CLVS1: variants seen among roughly 807,000 people sequenced by gnomAD.
CLVS1 encodes clavesin 1.
Under a neutral mutation model 33.1 loss-of-function variants are expected in CLVS1, and 10 were observed. That is an observed-to-expected ratio of 0.30 (90% CI 0.19 to 0.51). The LOEUF is 0.51. CLVS1 is among the 20% of genes least tolerant of loss of function. The pLI is 0.97. For missense variants in CLVS1, 343 were observed against 433.4 expected (o/e 0.79, Z 1.85); for synonymous variants, 163 against 166.1 (o/e 0.98, Z 0.14).
intron 2 of CLVS1, among the ~76,000 whole-genome samples, chr8:61,249,607 G>A (rs192061238): frequency 2.8e-4 from 43 of 152,244 alleles, no homozygotes; most frequent in Non-Finnish European, 3.2e-4. Context: ...TTTAATGATT[G>A]CCATTCTAAC....
At chr8:60,970,337 C>T in the CLVS1 span, among the ~76,000 whole-genome samples, 1 of 152,198 alleles carries the variant, frequency 6.6e-6, no homozygotes, top group Admixed American at 6.5e-5. Context: ...ATCCTGAGAT[C>T]CCTCTTCACT....
At chr8:61,436,763 C>G (rs568749974) in intron 3 of CLVS1, among the ~76,000 whole-genome samples, 1 of 152,320 alleles carries the variant, frequency 6.6e-6, no homozygotes, top group East Asian at 1.9e-4. Flanking sequence ...TACATATCAT[C>G]TACAAGCTGA....
chr8:61,067,286 C>T (rs904524848), intron 1 of CLVS1, among the ~76,000 whole-genome samples: 13 of 151,948 alleles, frequency 8.6e-5, no homozygotes, highest in Admixed American at 4.6e-4. Flanking sequence ...CAGTCTCTGA[C>T]GTAGTTCTTG....
chr8:61,025,551 T>C, the CLVS1 span, among the ~76,000 whole-genome samples: 1 of 152,206 alleles, frequency 6.6e-6, no homozygotes, highest in Admixed American at 6.5e-5. Flanking sequence ...TCAGAGACTC[T>C]TTTGCTAGGC....
At chr8:61,209,860 G>A (rs1265752905) in intron 2 of CLVS1, among the ~76,000 whole-genome samples, 1 of 152,182 alleles carries the variant, frequency 6.6e-6, no homozygotes, top group Non-Finnish European at 1.5e-5. Context: ...GATTGGGGGA[G>A]TAACTCATAA....
chr8:61,273,332 G>A (rs1289214190), intron 2 of CLVS1, among the ~76,000 whole-genome samples: 1 of 152,344 alleles, frequency 6.6e-6, no homozygotes, highest in Non-Finnish European at 1.5e-5. Context: ...CCCACTTGAG[G>A]AGGCAGTCTG....
chr8:61,347,890 C>T (rs1374324816), intron 2 of CLVS1, among the ~76,000 whole-genome samples: 1 of 151,398 alleles, frequency 6.6e-6, no homozygotes, highest in Non-Finnish European at 1.5e-5. Context: ...ACATTCCCAC[C>T]AGCAATGTAC....
At chr8:61,361,252 C>T (rs115359432) in intron 2 of CLVS1, among the ~76,000 whole-genome samples, 50 of 152,230 alleles carry the variant, frequency 3.3e-4, no homozygotes, top group African/African-American at 1.2e-3. Flanking sequence ...TTGGTGGGGA[C>T]ACAGATCCAA....
intron 2 of CLVS1, among the ~76,000 whole-genome samples, chr8:61,181,761 G>A (rs564227831): frequency 2.3e-4 from 34 of 147,214 alleles, no homozygotes; most frequent in Non-Finnish European, 3.9e-4. Flanking sequence ...GTGCAGTGGC[G>A]TGATCTCTGC....
At chr8:60,975,614 C>A in the CLVS1 span, among the ~76,000 whole-genome samples, 1 of 152,086 alleles carries the variant, frequency 6.6e-6, no homozygotes, top group African/African-American at 2.4e-5. Flanking sequence ...GGGACCATGG[C>A]CCTGCTGACA....
chr8:61,139,034 G>A (rs1296277300), intron 2 of CLVS1, among the ~76,000 whole-genome samples: 1 of 152,262 alleles, frequency 6.6e-6, no homozygotes, highest in South Asian at 2.1e-4. Flanking sequence ...AAGCACCCGC[G>A]CTGCGGGAAG....
intron 3 of CLVS1, among the ~76,000 whole-genome samples, chr8:61,381,539 G>A (rs973895155): frequency 6.6e-6 from 1 of 152,110 alleles, no homozygotes. Flanking sequence ...CATTACCCAG[G>A]TAGTGAGCAT....
chr8:61,204,920 T>C (rs1016109274), intron 2 of CLVS1, among the ~76,000 whole-genome samples: 2 of 152,248 alleles, frequency 1.3e-5, no homozygotes, highest in Non-Finnish European at 2.9e-5. Context: ...TGTATGTGTT[T>C]CAAAATCTGT....
At chr8:61,289,752 G>T (rs925619590) in intron 1 of CLVS1, among the ~76,000 whole-genome samples, 1 of 152,208 alleles carries the variant, frequency 6.6e-6, no homozygotes, top group Non-Finnish European at 1.5e-5. Flanking sequence ...AATAAAGACA[G>T]TCACAAATAT....
At chr8:61,096,268 A>C (rs1805348874) in intron 1 of CLVS1, among the ~76,000 whole-genome samples, 1 of 152,198 alleles carries the variant, frequency 6.6e-6, no homozygotes, top group Admixed American at 6.5e-5. Flanking sequence ...GCTATAAATA[A>C]ATGCTGCCAC....
chr8:61,268,393 C>T (rs1809357924), intron 2 of CLVS1, among the ~76,000 whole-genome samples: 1 of 151,210 alleles, frequency 6.6e-6, no homozygotes, highest in Non-Finnish European at 1.5e-5. Context: ...ATATGTGCCA[C>T]ATTTTCTTAA....
the CLVS1 span, among the ~76,000 whole-genome samples, chr8:61,002,623 C>T: frequency 5.3e-5 from 8 of 152,122 alleles, no homozygotes; most frequent in Non-Finnish European, 1.0e-4. Context: ...AGCCACTGCA[C>T]CCAGCCTGTA....
intron 2 of CLVS1, among the ~76,000 whole-genome samples, chr8:61,348,893 C>G (rs1340630156): frequency 6.6e-6 from 1 of 152,010 alleles, no homozygotes; most frequent in Non-Finnish European, 1.5e-5. Flanking sequence ...TGTCATTTTT[C>G]ATATTTTTGA....
intron 3 of CLVS1, among the ~76,000 whole-genome samples, chr8:61,399,119 A>G (rs1814649601): frequency 1.3e-5 from 2 of 152,168 alleles, no homozygotes; most frequent in Non-Finnish European, 2.9e-5. Context: ...TCTTTGAGGA[A>G]TCTCTAAAGT....
Sources: allele counts gnomAD v4.1 joint callset (sites outside exome capture counted in the v4.1 genomes callset), GRCh38; gene constraint gnomAD v4.1.1; transcripts MANE v1.5; gene names NCBI Gene and HGNC (gene_info 2026-07-23, HGNC 2026-07-21).